Variants in CNTNAP2 observed in about 807,000 individuals in gnomAD.
CNTNAP2 encodes the protein contactin-associated protein-like 2.
A neutral mutation model predicts 155.2 loss-of-function variants in CNTNAP2; 98 were observed. The ratio of observed to expected loss-of-function variants is 0.63; its 90% CI spans 0.54 to 0.75. The LOEUF is 0.75. CNTNAP2 is among the 30% of genes least tolerant of loss of function. CNTNAP2 has a pLI of 0.00. For missense variants in CNTNAP2, 1,727 were observed against 1,688.1 expected, an observed-to-expected ratio of 1.02 and a Z score of -0.40; for synonymous variants, 651 against 631.2, an observed-to-expected ratio of 1.03 and a Z score of -0.47.
At chr7:147,796,824 C>A (rs943796792) in intron 13 of CNTNAP2, among the ~76,000 whole-genome samples, 1 of 152,112 alleles carries the variant, frequency 6.6e-6, no homozygotes, top group Non-Finnish European at 1.5e-5. Flanking sequence ...AGCACATTTC[C>A]TTAACATCTT....
chr7:147,855,972 G>C (rs988529311), intron 13 of CNTNAP2, among the ~76,000 whole-genome samples: 1 of 152,140 alleles, frequency 6.6e-6, no homozygotes, highest in Non-Finnish European at 1.5e-5. Context: ...TGTGTCCCCA[G>C]TCTAAACTCC....
At chr7:147,072,046 C>T (rs984006245) in intron 4 of CNTNAP2, among the ~76,000 whole-genome samples, 1 of 151,930 alleles carries the variant, frequency 6.6e-6, no homozygotes, top group African/African-American at 2.4e-5. Context: ...TGGTAGTGCT[C>T]TCAAGGTAAT....
At chr7:148,048,053 A>T (rs2116489667) in intron 15 of CNTNAP2, among the ~76,000 whole-genome samples, 1 of 151,640 alleles carries the variant, frequency 6.6e-6, no homozygotes, top group African/African-American at 2.4e-5. Flanking sequence ...CCTCCCCAGT[A>T]GCTGGGACTA....
chr7:147,372,573 A>G lies in CNTNAP2; in HGVS notation c.1499-23036A>G, dbSNP rs149188819. Among the ~76,000 whole-genome samples, 235 of 152,280 alleles carry G rather than the reference A, an allele frequency of 1.5e-3. 2 individuals are homozygous for G. Among genetic ancestry groups the G allele is most frequent in the African/African-American group, 5.2e-3 (216 of 41,570 alleles). The stretch of plus-strand genomic sequence containing the variant: ...TTTTCTGTAATTTAGTAAGTAATTC[A>G]GTAGCACTCAATACTCAGTATCATC... On this transcript the variant is annotated intron_variant, in intron 9 of 23. Coordinates refer to ENST00000361727, the MANE Select transcript of CNTNAP2 (RefSeq NM_014141.6).
chr7:147,488,081 G>C (rs369397745), intron 11 of CNTNAP2, among the ~76,000 whole-genome samples: 4 of 152,094 alleles, frequency 2.6e-5, no homozygotes, highest in African/African-American at 9.7e-5. Flanking sequence ...ATACATTGTA[G>C]CTTATTGAAG....
chr7:148,172,546 A>AT, intron 18 of CNTNAP2, 68 bp downstream of exon 18: 2 of 1,323,350 alleles, frequency 1.5e-6, no homozygotes, highest in Non-Finnish European at 2.2e-6. Flanking sequence ...CTATTTAATG[A>AT]TTTTTCATAT....
chr7:146,489,801 A>G (rs1797112112), intron 1 of CNTNAP2, among the ~76,000 whole-genome samples: 1 of 151,004 alleles, frequency 6.6e-6, no homozygotes, highest in African/African-American at 2.5e-5. Context: ...GGTGGTCTCC[A>G]ACCCCTGAAG....
intron 18 of CNTNAP2, among the ~76,000 whole-genome samples, chr7:148,177,048 C>T (rs1015617090): frequency 3.9e-5 from 6 of 152,286 alleles, no homozygotes; most frequent in South Asian, 2.1e-4. Flanking sequence ...AGTACACTCT[C>T]TGTGTGTCTT....
intron 1 of CNTNAP2, among the ~76,000 whole-genome samples, chr7:146,582,682 A>G (rs1798629237): frequency 6.6e-6 from 1 of 152,074 alleles, no homozygotes; most frequent in Non-Finnish European, 1.5e-5. Context: ...GCAAAAATTA[A>G]CCCAAGCAAT....
chr7:146,503,479 G>T (rs563921454), intron 1 of CNTNAP2, among the ~76,000 whole-genome samples: 1 of 152,332 alleles, frequency 6.6e-6, no homozygotes, highest in African/African-American at 2.4e-5. Flanking sequence ...CTAGCCAAAA[G>T]ATTGTATACC....
At chr7:146,749,476 A>G (rs1236993252) in intron 1 of CNTNAP2, among the ~76,000 whole-genome samples, 2 of 152,162 alleles carry the variant, frequency 1.3e-5, no homozygotes, top group South Asian at 2.1e-4. Flanking sequence ...TGTATGTTTT[A>G]TCTTTTTGTT....
intron 3 of CNTNAP2, among the ~76,000 whole-genome samples, chr7:146,954,992 C>T (rs1481261436): frequency 6.6e-6 from 1 of 151,814 alleles, no homozygotes; most frequent in East Asian, 1.9e-4. Flanking sequence ...CAGTGGGAAA[C>T]AAAAAAGATA....
intron 1 of CNTNAP2, among the ~76,000 whole-genome samples, chr7:146,289,841 A>C (rs1386386518): frequency 6.6e-6 from 1 of 152,176 alleles, no homozygotes; most frequent in Non-Finnish European, 1.5e-5. Context: ...CTTTCTGTCA[A>C]ACATTCTAAA....
At chr7:148,077,714 A>G (rs902634341) in intron 15 of CNTNAP2, among the ~76,000 whole-genome samples, 4 of 152,230 alleles carry the variant, frequency 2.6e-5, no homozygotes, top group Non-Finnish European at 5.9e-5. Flanking sequence ...CTCATCAGTA[A>G]AAGTATCACC....
intron 14 of CNTNAP2, among the ~76,000 whole-genome samples, chr7:147,967,666 A>G (rs1205699254): frequency 1.3e-5 from 2 of 152,166 alleles, no homozygotes; most frequent in Non-Finnish European, 2.9e-5. Context: ...TTCTAATTGC[A>G]TGTGGGGAGA....
intron 3 of CNTNAP2, among the ~76,000 whole-genome samples, chr7:147,015,419 T>C (rs1000086395): frequency 6.6e-6 from 1 of 152,170 alleles, no homozygotes; most frequent in Non-Finnish European, 1.5e-5. Context: ...GCTAACATGC[T>C]GGCATCATCC....
At chr7:148,043,816 T>C (rs1802720149) in intron 15 of CNTNAP2, among the ~76,000 whole-genome samples, 1 of 152,238 alleles carries the variant, frequency 6.6e-6, no homozygotes, top group Non-Finnish European at 1.5e-5. Flanking sequence ...TCTTCACCAG[T>C]ATCCTTTTCA....
At chr7:147,502,664 A>C (rs990377956) in intron 11 of CNTNAP2, among the ~76,000 whole-genome samples, 3 of 151,996 alleles carry the variant, frequency 2.0e-5, no homozygotes, top group East Asian at 1.9e-4. Context: ...ACAAAAAAGA[A>C]TATCTGAGTT....
Position 147,582,407 on chromosome 7 carries a change from G to A in CNTNAP2, c.1897+20150G>A, listed in dbSNP as rs12669954. ...GAGGCAGGTTGCAGCCCCAAACTCT[G>A]GGCATTTCAAATCTAGCCCAGAGTG... On this transcript the variant is annotated intron_variant, in intron 12 of 23. Transcript: ENST00000361727. Among the ~76,000 whole-genome samples the A allele has an allele frequency of 5.4e-3, 827 of 152,128 alleles. 30 individuals carry two copies. The highest frequency in any genetic ancestry group is 0.038 in the Admixed American group (577 of 15,274).
Sources: gnomAD v4.1 joint callset for allele counts (sites outside exome capture counted in the v4.1 genomes callset) on GRCh38, gnomAD v4.1.1 for gene constraint, MANE v1.5 for transcripts, NCBI Gene and HGNC (gene_info 2026-07-23, HGNC 2026-07-21) for gene names.